KTN1: variants seen among roughly 807,000 people sequenced by gnomAD.
KTN1 encodes the protein kinectin.
In KTN1, 130 loss-of-function variants were observed where a neutral mutation model predicts 222.5. The observed-to-expected ratio is 0.58, with a 90% CI of 0.51 to 0.68. The LOEUF (loss-of-function observed/expected upper bound fraction) is 0.68, where lower values mean the gene tolerates loss of function less well. Among genes scored for constraint, KTN1 ranks in the 30% least tolerant of loss-of-function variants. The pLI is 0.00. For missense variants in KTN1, 1,508 were observed against 1,500.4 expected (o/e 1.01, Z -0.08); for synonymous variants, 512 against 496.3 (o/e 1.03, Z -0.42).
intron 11 of KTN1, 25 bp downstream of exon 11, chr14:55,637,389 TTA>T: frequency 4.0e-6 from 6 of 1,482,894 alleles, no homozygotes; most frequent in Non-Finnish European, 5.4e-6. Flanking sequence ...TTTTTTTTTT[TTA>T]AAAAAATACA....
intron 34 of KTN1, among the ~76,000 whole-genome samples, 197 bp from the exon 35 acceptor site, chr14:55,670,532 G>A (rs895834464): frequency 6.6e-6 from 1 of 152,020 alleles, no homozygotes; most frequent in Non-Finnish European, 1.5e-5. Context: ...TCTGTTTTTA[G>A]TGCTTGTTTT....
At chr14:55,663,746 A>C in intron 32 of KTN1, 1 of 497,740 alleles carries the variant, frequency 2.0e-6, no homozygotes, top group Middle Eastern at 5.4e-4. Context: ...TTTGATATAT[A>C]TACTAAAACA....
At chr14:55,658,384 C>T (rs1322668969) in intron 29 of KTN1, among the ~76,000 whole-genome samples, 162 bp from the exon 30 acceptor site, 1 of 152,128 alleles carries the variant, frequency 6.6e-6, no homozygotes, top group Non-Finnish European at 1.5e-5. Flanking sequence ...TATAAATACT[C>T]TAATTTCATC....
At chr14:55,648,143 T>A in intron 20 of KTN1, 28 bp downstream of exon 20, 1 of 1,206,446 alleles carries the variant, frequency 8.3e-7, no homozygotes, top group East Asian at 2.6e-5. Context: ...TTTGTTTTCC[T>A]TGTGATTATT....
Position 55,652,880 on chromosome 14 carries a change from C to T in KTN1, c.2634C>T (p.Thr878=), listed in dbSNP as rs764528177. The T allele has an allele frequency of 2.1e-5, 34 of 1,609,186 alleles. No homozygotes were observed. In the African/African-American group the frequency reaches 3.6e-4, roughly 17 times the overall value. The change falls in exon 26 of 44, where the codon ACC becomes ACT. Residue 878 remains threonine (T), a synonymous_variant. Coordinates refer to ENST00000395314, the MANE Select transcript of KTN1 (RefSeq NM_001079521.2). ...AAGGAAAAGAGGAACAGATGAATAC[C>T]ATGAAGGCTGTTTTGGAAGAGAAAG... The part of the protein sequence containing the change: ...LLKGKEEQMN[T]MKAVLEEKEK...
At position 55,675,858 on chromosome 14, in the gene KTN1, A is replaced by T; in HGVS notation, c.3795A>T (p.Thr1265=). The T allele has an allele frequency of 1.2e-6, 2 of 1,612,554 alleles. No individual in the cohort carries two copies. The change falls in exon 41 of 44, where the codon ACA becomes ACT. Residue 1265 remains threonine, a synonymous_variant. Coordinates refer to ENST00000395314, the MANE Select transcript of KTN1 (RefSeq NM_001079521.2). ...LNLLKAQLNE[T]LTKLRTEQNE... ...AGTTGAAGGCACAGTTAAATGAAACACTCACAAAACTTAGAACTGAACAAA... is the reference window on the plus strand; with the variant it reads ...AGTTGAAGGCACAGTTAAATGAAACTCTCACAAAACTTAGAACTGAACAAA...
intron 34 of KTN1, among the ~76,000 whole-genome samples, chr14:55,670,138 A>G (rs368348102): frequency 3.0e-4 from 46 of 152,054 alleles, no homozygotes; most frequent in African/African-American, 1.1e-3. Context: ...GGATTTAAAC[A>G]AGTGAATGTG....
intron 1 of KTN1, among the ~76,000 whole-genome samples, chr14:55,609,323 C>A (rs2037203512): frequency 6.6e-6 from 1 of 152,140 alleles, no homozygotes; most frequent in Non-Finnish European, 1.5e-5. Context: ...CTGCCGAGGA[C>A]ATGATCTCAT....
chr14:55,611,015 C>T (rs1293565461), intron 1 of KTN1, among the ~76,000 whole-genome samples: 1 of 152,218 alleles, frequency 6.6e-6, no homozygotes, highest in Non-Finnish European at 1.5e-5. Flanking sequence ...CTCGCTTTTG[C>T]TGTATAACTT....
chr14:55,661,436 G>T, intron 31 of KTN1, 86 bp from the exon 32 acceptor site: 2 of 709,724 alleles, frequency 2.8e-6, no homozygotes, highest in Non-Finnish European at 2.5e-6. Flanking sequence ...TTTTTATTTT[G>T]TAATAGCAAA....
intron 6 of KTN1, among the ~76,000 whole-genome samples, chr14:55,629,145 A>G (rs945075686): frequency 6.6e-6 from 1 of 152,192 alleles, no homozygotes; most frequent in Non-Finnish European, 1.5e-5. Flanking sequence ...GGCCGGGCGC[A>G]GTGGCTCATG....
chr14:55,631,669 TACTC>T (rs1236109546), intron 7 of KTN1, among the ~76,000 whole-genome samples: 2 of 151,930 alleles, frequency 1.3e-5, no homozygotes, highest in Non-Finnish European at 2.9e-5. Flanking sequence ...TGGTCCCAAT[TACTC>T]AGGAGGCTGA....
chr14:55,634,701 A>G, intron 9 of KTN1, 43 bp downstream of exon 9: 1 of 1,551,612 alleles, frequency 6.4e-7, no homozygotes, highest in Non-Finnish European at 8.7e-7. Context: ...TGAATAATAT[A>G]GGCGTATTAG....
In KTN1 at chr14:55,640,430, G is replaced by C. The variant is rs770455478; in HGVS notation, c.1971G>C (p.Leu657=). 1.2e-6 allele frequency: 2 copies of C among 1,606,686 alleles called. No homozygotes were observed. Among genetic ancestry groups the C allele is most frequent in the South Asian group, 1.1e-5 (1 of 90,266 alleles). ...CTGAAGTGCAGAAATTACAGGCCCT[G>C]GCAAATGAGCAGGTAGATCTTTATT... ...LKAEVQKLQA[L]ANEQAAAAHE... The change falls in exon 15 of 44, where the codon CTG becomes CTC. Residue 657 remains leucine (L), a synonymous_variant. Transcript: ENST00000395314.
intron 1 of KTN1, among the ~76,000 whole-genome samples, chr14:55,604,485 A>C (rs78522049): frequency 0.08 from 12,199 of 152,194 alleles, 535 homozygotes; most frequent in South Asian, 0.11. Flanking sequence ...TAAATAATTA[A>C]AAAAAATTAA....
At chr14:55,667,355 A>C in intron 34 of KTN1, 25 bp downstream of exon 34, 1 of 1,348,158 alleles carries the variant, frequency 7.4e-7, no homozygotes, top group Non-Finnish European at 1.0e-6. Context: ...TTATTTTTTT[A>C]ACATGATGAC....
chr14:55,589,280 A>G (rs1249007291), intron 1 of KTN1, among the ~76,000 whole-genome samples: 1 of 152,210 alleles, frequency 6.6e-6, no homozygotes, highest in Non-Finnish European at 1.5e-5. Context: ...CATTCAAAAT[A>G]ACATACTACT....
intron 33 of KTN1, among the ~76,000 whole-genome samples, chr14:55,666,359 T>C (rs183352847): frequency 1.3e-5 from 2 of 152,064 alleles, no homozygotes; most frequent in Admixed American, 6.5e-5. Flanking sequence ...TGTTGAACTT[T>C]GTGACTGTTG....
intron 18 of KTN1, chr14:55,644,549 T>G (rs920093332): frequency 2.5e-5 from 13 of 517,448 alleles, no homozygotes; most frequent in East Asian, 3.1e-5. Context: ...TTTCATTTAC[T>G]CAGAATAAGA....
Sources: gnomAD v4.1 joint callset for allele counts (sites outside exome capture counted in the v4.1 genomes callset) on GRCh38, gnomAD v4.1.1 for gene constraint, MANE v1.5 for transcripts, NCBI Gene and HGNC (gene_info 2026-07-23, HGNC 2026-07-21) for gene names.